DIAPH3: variants seen among roughly 807,000 people sequenced by gnomAD.
DIAPH3 encodes the protein protein diaphanous homolog 3.
DIAPH3 carries 117 observed loss-of-function variants against 144.3 expected under a neutral mutation model. The ratio of observed to expected loss-of-function variants is 0.81; its 90% CI spans 0.70 to 0.95. The LOEUF is 0.95. DIAPH3 is among the 40% of genes least tolerant of loss of function. The pLI is 0.00. For missense variants in DIAPH3, 1,421 were observed against 1,412.7 expected, an observed-to-expected ratio of 1.01 and a Z score of -0.09; for synonymous variants, 519 against 488.9, an observed-to-expected ratio of 1.06 and a Z score of -0.81.
chr13:59,862,834 T>C (rs1306734343), intron 21 of DIAPH3, among the ~76,000 whole-genome samples: 3 of 152,202 alleles, frequency 2.0e-5, no homozygotes, highest in Non-Finnish European at 2.9e-5. Context: ...TATGCATATC[T>C]GTGTTTTACA....
chr13:59,993,614 C>T (rs1049460586), intron 9 of DIAPH3, among the ~76,000 whole-genome samples: 13 of 148,756 alleles, frequency 8.7e-5, no homozygotes, highest in African/African-American at 3.2e-4. Context: ...TAAAATCTGA[C>T]CAGCATGCCT....
chr13:59,719,539 T>C (rs1447005474), intron 27 of DIAPH3, among the ~76,000 whole-genome samples: 1 of 152,030 alleles, frequency 6.6e-6, no homozygotes, highest in South Asian at 2.1e-4. Context: ...TGAGCAGCTA[T>C]TGGAGAACAC....
intron 4 of DIAPH3, among the ~76,000 whole-genome samples, chr13:60,054,490 C>T (rs1304755674): frequency 6.6e-6 from 1 of 151,952 alleles, no homozygotes; most frequent in African/African-American, 2.4e-5. Flanking sequence ...CTGTAGGTTT[C>T]TATTTAAGTC....
At chr13:59,910,065 TTAGA>T (rs1262526408) in intron 20 of DIAPH3, among the ~76,000 whole-genome samples, 6 of 152,194 alleles carry the variant, frequency 3.9e-5, no homozygotes, top group African/African-American at 9.6e-5. Context: ...AAGCTACTTG[TTAGA>T]TAGACATTTT....
In DIAPH3 at chr13:60,001,182, T is replaced by C. The variant is rs1436446049; in HGVS notation, c.1014+7362A>G. ...CTAGTATAATAAAGATAATGTCTTT[T>C]AGAGCAAAGTGCAGGCAAGTTCAAA... On this transcript the variant is annotated intron_variant, in intron 9 of 27. Coordinates refer to ENST00000400324, the MANE Select transcript of DIAPH3 (RefSeq NM_001042517.2). Among the ~76,000 whole-genome samples, 3 of 152,190 alleles carry C rather than the reference T, an allele frequency of 2.0e-5. No homozygotes were observed. In the East Asian group the frequency reaches 5.8e-4, roughly 29 times the overall value.
At chr13:59,960,179 C>T (rs1366870295) in intron 17 of DIAPH3, among the ~76,000 whole-genome samples, 1 of 152,126 alleles carries the variant, frequency 6.6e-6, no homozygotes, top group Non-Finnish European at 1.5e-5. Context: ...GAGTTCTGTC[C>T]TCCTCATCTA....
At chr13:59,667,359 T>C (rs1028761046) in intron 27 of DIAPH3, among the ~76,000 whole-genome samples, 7 of 152,238 alleles carry the variant, frequency 4.6e-5, no homozygotes, top group Non-Finnish European at 1.0e-4. Context: ...TAAATACTGC[T>C]GTAACTTCAG....
At chr13:59,855,451 T>G (rs1185771942) in intron 22 of DIAPH3, among the ~76,000 whole-genome samples, 1 of 151,704 alleles carries the variant, frequency 6.6e-6, no homozygotes, top group Admixed American at 6.6e-5. Context: ...TTAACTTTTA[T>G]TATATTTGGC....
At chr13:60,089,196 C>T (rs993804191) in intron 4 of DIAPH3, among the ~76,000 whole-genome samples, 5 of 152,014 alleles carry the variant, frequency 3.3e-5, no homozygotes, top group African/African-American at 1.2e-4. Flanking sequence ...TATGATGCAC[C>T]ATCCCAAAGA....
intron 4 of DIAPH3, among the ~76,000 whole-genome samples, chr13:60,059,751 T>C (rs1267992070): frequency 2.0e-5 from 3 of 152,060 alleles, no homozygotes; most frequent in Non-Finnish European, 1.5e-5. Flanking sequence ...CTCTATTTGA[T>C]GGTTCATTGA....
chr13:60,093,228 T>A (rs1323700951), intron 4 of DIAPH3, among the ~76,000 whole-genome samples: 1 of 152,192 alleles, frequency 6.6e-6, no homozygotes, highest in African/African-American at 2.4e-5. Context: ...ATAGGGAGAC[T>A]CACATTAAAG....
In DIAPH3 at chr13:59,810,836, T is replaced by C. The variant is rs777352266; in HGVS notation, c.3115A>G (p.Arg1039Gly). 1 of 1,613,698 alleles carries C rather than the reference T, an allele frequency of 6.2e-7. No individual in the cohort carries two copies. The highest frequency in any genetic ancestry group is 1.1e-5 in the South Asian group (1 of 91,018). Residue 1039 changes from arginine to glycine, a missense_variant, in exon 25 of 28, where the codon AGA becomes GGA. Arg to Gly is a moderately radical substitution (Grantham distance 125, BLOSUM62 -2). Transcript: ENST00000400324. Reference protein sequence around the residue: ...RIAKELAERERLERQQKKKRL... With the variant: ...RIAKELAEREGLERQQKKKRL... ...TTTTTCTTTTGTTGGCGTTCGAGTC[T>C]TTCTCGCTCTGCTAATTCTTTAGCT...
At chr13:59,679,050 T>C (rs567843006) in intron 27 of DIAPH3, among the ~76,000 whole-genome samples, 3 of 152,344 alleles carry the variant, frequency 2.0e-5, no homozygotes, top group Non-Finnish European at 4.4e-5. Flanking sequence ...TCAATTCTGA[T>C]GGTTTTTGCC....
chr13:59,804,485 TATAAA>T (rs1266639657), intron 25 of DIAPH3, among the ~76,000 whole-genome samples: 1 of 152,178 alleles, frequency 6.6e-6, no homozygotes, highest in Non-Finnish European at 1.5e-5. Context: ...CTTTTCGACA[TATAAA>T]ATAGTCTCAT....
At position 59,971,014 on chromosome 13, in the gene DIAPH3, A is replaced by G; in HGVS notation, c.1797T>C (p.Leu599=). ...CACTGAATGGCATCCGCATTCCTGG[A>G]AGTGGAGGAGGTGGTGGGGGAGGAG... ...PPPPPPPPPP[L]PGMRMPFSGP... is the part of the protein sequence containing the mutation. The change falls in exon 16 of 28, where the codon CTT becomes CTC. Residue 599 remains leucine, a synonymous_variant. Coordinates refer to ENST00000400324, the MANE Select transcript of DIAPH3 (RefSeq NM_001042517.2). 6.2e-7 allele frequency: 1 copy of G among 1,613,652 alleles called. No homozygotes were observed. Among genetic ancestry groups the G allele is most frequent in the Non-Finnish European group, 8.5e-7 (1 of 1,179,784 alleles).
intron 17 of DIAPH3, among the ~76,000 whole-genome samples, chr13:59,950,533 C>A (rs1170455374): frequency 6.6e-6 from 1 of 152,032 alleles, no homozygotes; most frequent in Non-Finnish European, 1.5e-5. Context: ...AATTACAAAC[C>A]AGAGCTATGA....
chr13:59,839,810 G>A (rs1593622442), intron 22 of DIAPH3, among the ~76,000 whole-genome samples: 1 of 152,230 alleles, frequency 6.6e-6, no homozygotes, highest in Non-Finnish European at 1.5e-5. Flanking sequence ...AATATAATTT[G>A]AACATTTTTC....
chr13:59,778,563 G>A (rs2038550960), intron 25 of DIAPH3, among the ~76,000 whole-genome samples: 1 of 152,248 alleles, frequency 6.6e-6, no homozygotes, highest in Non-Finnish European at 1.5e-5. Flanking sequence ...CCAGGGAAGA[G>A]ATGGGAATAC....
chr13:60,001,208 G>A (rs532087589), intron 9 of DIAPH3, among the ~76,000 whole-genome samples: 1 of 152,154 alleles, frequency 6.6e-6, no homozygotes, highest in Non-Finnish European at 1.5e-5. Context: ...CAAGTTCAAA[G>A]TTCCTCTCCT....
Sources: gnomAD v4.1 joint callset for allele counts (sites outside exome capture counted in the v4.1 genomes callset) on GRCh38, gnomAD v4.1.1 for gene constraint, MANE v1.5 for transcripts, NCBI Gene and HGNC (gene_info 2026-07-23, HGNC 2026-07-21) for gene names.